The following CDH12 variants were observed in gnomAD, a reference collection of about 807,000 sequenced individuals.
CDH12 encodes the protein cadherin-12.
Under a neutral mutation model 74.1 loss-of-function variants are expected in CDH12, and 41 were observed. The observed-to-expected ratio is 0.55, with a 90% CI of 0.43 to 0.72. CDH12 has a LOEUF of 0.72. Ranked by LOEUF, CDH12 falls within the 30% of genes least tolerant of loss-of-function variation. The pLI, the probability that CDH12 is intolerant of heterozygous loss-of-function variation, is 0.00. For synonymous variants in CDH12, 399 were observed against 355.0 expected (o/e 1.12, Z -1.39); for missense variants, 945 against 977.2 (o/e 0.97, Z 0.44).
intron 3 of CDH12, among the ~76,000 whole-genome samples, chr5:22,242,995 A>C (rs752677703): frequency 6.6e-6 from 1 of 152,038 alleles, no homozygotes; most frequent in Non-Finnish European, 1.5e-5. Flanking sequence ...AATCCTCTAT[A>C]TTACATGACC....
At chr5:22,260,383 T>C (rs7703546) in intron 3 of CDH12, among the ~76,000 whole-genome samples, 150,017 of 152,142 alleles carry the variant, frequency 0.99, 73,999 homozygotes, top group East Asian at 1. Context: ...CACTGCCTTG[T>C]TAGTATATAT....
At chr5:22,843,874 T>C (rs1737188746) in intron 1 of CDH12, among the ~76,000 whole-genome samples, 1 of 152,046 alleles carries the variant, frequency 6.6e-6, no homozygotes, top group Non-Finnish European at 1.5e-5. Context: ...AAGACATTTA[T>C]AAGAAATATG....
At chr5:22,309,201 A>G (rs1452743613) in intron 3 of CDH12, among the ~76,000 whole-genome samples, 2 of 152,178 alleles carry the variant, frequency 1.3e-5, no homozygotes, top group Non-Finnish European at 2.9e-5. Flanking sequence ...AAATATTCCA[A>G]AAATATTCCT....
intron 6 of CDH12, among the ~76,000 whole-genome samples, chr5:21,860,392 A>T (rs967135236): frequency 6.6e-6 from 1 of 151,282 alleles, no homozygotes; most frequent in Non-Finnish European, 1.5e-5. Context: ...TTTGGGGATT[A>T]TGTATGACTT....
chr5:22,680,976 T>C (rs575882312), intron 1 of CDH12, among the ~76,000 whole-genome samples: 2 of 152,180 alleles, frequency 1.3e-5, no homozygotes, highest in Non-Finnish European at 1.5e-5. Context: ...TTTTAAAATA[T>C]ATTTTTAAAA....
At chr5:22,469,437 A>C (rs970182966) in intron 2 of CDH12, among the ~76,000 whole-genome samples, 2 of 152,224 alleles carry the variant, frequency 1.3e-5, no homozygotes, top group South Asian at 2.1e-4. Context: ...GTATCTTTTA[A>C]AATCACCTTC....
intron 12 of CDH12, among the ~76,000 whole-genome samples, chr5:21,762,694 T>A (rs1744791705): frequency 6.6e-6 from 1 of 151,972 alleles, no homozygotes; most frequent in African/African-American, 2.4e-5. Context: ...TATGAAAAAA[T>A]AACATTGATT....
At chr5:21,780,439 A>C (rs1745841905) in intron 11 of CDH12, among the ~76,000 whole-genome samples, 1 of 152,174 alleles carries the variant, frequency 6.6e-6, no homozygotes, top group African/African-American at 2.4e-5. Context: ...CCAAGGAGCC[A>C]TTGGAAAGAA....
intron 1 of CDH12, among the ~76,000 whole-genome samples, chr5:22,714,563 T>C (rs867466834): frequency 1.7e-4 from 26 of 152,280 alleles, no homozygotes; most frequent in Middle Eastern, 6.8e-3. Flanking sequence ...TAGATATGGA[T>C]AGAAGGGGGA....
intron 1 of CDH12, among the ~76,000 whole-genome samples, chr5:22,815,953 C>T (rs964664756): frequency 6.6e-6 from 1 of 151,578 alleles, no homozygotes; most frequent in Non-Finnish European, 1.5e-5. Context: ...AAAAAGAAGG[C>T]AAATTGTGAA....
At chr5:22,519,896 C>T (rs572557192) in intron 1 of CDH12, among the ~76,000 whole-genome samples, 2 of 152,116 alleles carry the variant, frequency 1.3e-5, no homozygotes, top group Admixed American at 1.3e-4. Flanking sequence ...AATTACAGTG[C>T]CTGGAATATA....
chr5:21,947,149 A>G (rs1755615935), intron 6 of CDH12, among the ~76,000 whole-genome samples: 1 of 152,182 alleles, frequency 6.6e-6, no homozygotes, highest in Non-Finnish European at 1.5e-5. Context: ...GAGTCAATTA[A>G]CCCTCTTTCT....
At chr5:22,547,734 AT>A (rs1481220294) in intron 1 of CDH12, among the ~76,000 whole-genome samples, 3 of 152,196 alleles carry the variant, frequency 2.0e-5, no homozygotes, top group African/African-American at 4.8e-5. Flanking sequence ...ATTAACATCA[AT>A]TATAGCTTAT....
rs1034407662 is a variant in CDH12 at position 22,482,737 on chromosome 5, A to G, written c.-428+22533T>C. Among the ~76,000 whole-genome samples the G allele has an allele frequency of 7.9e-5, 12 of 152,278 alleles. No homozygotes were observed. The East Asian group carries it at 2.3e-3, about 29-fold the overall frequency. The stretch of plus-strand genomic sequence containing the variant: ...ATGCCTCATATTCTCTGTTTTACTC[A>G]CTATCGTATGTTAAGCCTACATGCC... On this transcript the variant is annotated intron_variant, in intron 2 of 14. Transcript: ENST00000382254.
intron 1 of CDH12, among the ~76,000 whole-genome samples, chr5:22,695,875 T>G (rs1197486541): frequency 6.6e-6 from 1 of 152,326 alleles, no homozygotes; most frequent in East Asian, 1.9e-4. Context: ...TTTCCCTATT[T>G]TTTCAAGTCT....
chr5:21,773,790 T>C (rs543653972), intron 11 of CDH12, among the ~76,000 whole-genome samples: 6 of 152,258 alleles, frequency 3.9e-5, no homozygotes, highest in Non-Finnish European at 7.4e-5. Flanking sequence ...ATGTATACAG[T>C]TGTACTAAGA....
chr5:21,818,135 A>T (rs1482247585), intron 8 of CDH12, among the ~76,000 whole-genome samples: 2 of 151,978 alleles, frequency 1.3e-5, no homozygotes, highest in African/African-American at 4.8e-5. Context: ...AAGAAACAAA[A>T]CTAAACACCA....
At chr5:22,238,370 A>AGC (rs1561246096) in intron 3 of CDH12, among the ~76,000 whole-genome samples, 1 of 150,910 alleles carries the variant, frequency 6.6e-6, no homozygotes, top group Non-Finnish European at 1.5e-5. Flanking sequence ...TAAGAATTCA[A>AGC]ATGGATAATT....
chr5:22,037,003 A>C (rs536799688), intron 5 of CDH12, among the ~76,000 whole-genome samples: 8 of 152,332 alleles, frequency 5.3e-5, no homozygotes, highest in African/African-American at 1.7e-4. Flanking sequence ...AATCAACTCT[A>C]AAATTGAAAA....
Sources: allele counts gnomAD v4.1 joint callset (sites outside exome capture counted in the v4.1 genomes callset), GRCh38; gene constraint gnomAD v4.1.1; transcripts MANE v1.5; gene names NCBI Gene and HGNC (gene_info 2026-07-23, HGNC 2026-07-21).